NEK6: variants seen among roughly 807,000 people sequenced by gnomAD.
NEK6 encodes the protein serine/threonine-protein kinase Nek6.
A neutral mutation model predicts 43.5 loss-of-function variants in NEK6; 27 were observed. The ratio of observed to expected loss-of-function variants is 0.62; its 90% CI spans 0.46 to 0.86. The LOEUF is 0.86. Ranked by LOEUF, NEK6 falls within the 40% of genes least tolerant of loss-of-function variation. The probability of loss-of-function intolerance (pLI) is 0.00; values close to 1 mark genes in which losing one functional copy is unlikely to be tolerated. For missense variants in NEK6, 318 were observed against 414.4 expected, an observed-to-expected ratio of 0.77 and a Z score of 2.02; for synonymous variants, 167 against 164.1, an observed-to-expected ratio of 1.02 and a Z score of -0.14.
At chr9:124,292,419 G>A in intron 1 of NEK6, 2 of 1,535,060 alleles carry the variant, frequency 1.3e-6, no homozygotes, top group Non-Finnish European at 1.7e-6. Context: ...TCTAGGGTGG[G>A]TTTTGTCTGC....
intron 7 of NEK6, among the ~76,000 whole-genome samples, chr9:124,338,326 C>A (rs1829393637): frequency 6.6e-6 from 1 of 152,192 alleles, no homozygotes; most frequent in African/African-American, 2.4e-5. Context: ...AGAAAAGTAG[C>A]CTCACTTCAT....
intron 1 of NEK6, among the ~76,000 whole-genome samples, chr9:124,287,829 GA>G (rs752785742): frequency 1.3e-5 from 2 of 149,824 alleles, no homozygotes; most frequent in South Asian, 2.1e-4. Context: ...TCTCAAAAAA[GA>G]AAAAAAAACC....
At chr9:124,295,334 A>G (rs1832635277) in intron 1 of NEK6, among the ~76,000 whole-genome samples, 1 of 152,188 alleles carries the variant, frequency 6.6e-6, no homozygotes, top group Non-Finnish European at 1.5e-5. Flanking sequence ...CCAGCTTGAC[A>G]GGCCCCCATG....
At chr9:124,331,600 C>T (rs978235483) in intron 7 of NEK6, among the ~76,000 whole-genome samples, 5 of 152,210 alleles carry the variant, frequency 3.3e-5, no homozygotes, top group South Asian at 2.1e-4. Flanking sequence ...CACCTGACCT[C>T]GCCAGCAGCA....
chr9:124,282,621 A>G (rs1053225658), intron 1 of NEK6, among the ~76,000 whole-genome samples: 3 of 152,152 alleles, frequency 2.0e-5, no homozygotes, highest in South Asian at 2.1e-4. Context: ...GGCTGGGGCC[A>G]CAGGGGGTGG....
In NEK6 at chr9:124,343,307, A is replaced by T. The variant is rs1183210333; in HGVS notation, c.717+3642A>T. 2.1e-4 allele frequency among the ~76,000 whole-genome samples: 4 copies of T among 18,938 alleles called. No homozygotes were observed. The highest frequency in any genetic ancestry group is 1.1e-3 in the South Asian group (1 of 896). 12.4% of individuals were successfully genotyped at this position (18,938 alleles called of 152,430 possible). On this transcript the variant is annotated intron_variant, in intron 8 of 9. Transcript: ENST00000320246. This position sits in a 1 kb window ranked among gnomAD's most constrained non-coding sequence, Gnocchi z 5.1. ...AGCTGGGGAGGTACCGATCGCAGCG[A>T]GGGGTGGTGTGGGGGGACAGATCAC...
At chr9:124,299,061 G>A (rs187808399) in intron 1 of NEK6, among the ~76,000 whole-genome samples, 3 of 152,352 alleles carry the variant, frequency 2.0e-5, no homozygotes, top group Non-Finnish European at 4.4e-5. Context: ...CCAAGCACCC[G>A]CTAGGCTCCT....
chr9:124,333,252 G>A (rs1032733176), intron 7 of NEK6, among the ~76,000 whole-genome samples: 1 of 152,236 alleles, frequency 6.6e-6, no homozygotes, highest in African/African-American at 2.4e-5. Context: ...TATTGTCAGC[G>A]TAGACACCAG....
intron 5 of NEK6, among the ~76,000 whole-genome samples, chr9:124,323,503 G>C (rs1299925595): frequency 6.6e-6 from 1 of 152,198 alleles, no homozygotes; most frequent in Non-Finnish European, 1.5e-5. Context: ...CAGGGACGGA[G>C]GAGGAGCAGG....
chr9:124,258,216 G>A, intron 1 of NEK6, 131 bp downstream of exon 1: 1 of 978,782 alleles, frequency 1.0e-6, no homozygotes, highest in Non-Finnish European at 1.2e-6. Context: ...GCGGGGGAGA[G>A]CGGGAGGCGG....
chr9:124,340,042 T>C (rs1268544904), intron 8 of NEK6, among the ~76,000 whole-genome samples: 1 of 151,680 alleles, frequency 6.6e-6, no homozygotes, highest in African/African-American at 2.4e-5. Context: ...GCACCTGGGG[T>C]CAGGAGAGGA....
intron 1 of NEK6, among the ~76,000 whole-genome samples, chr9:124,297,084 T>C (rs1382726906): frequency 6.6e-6 from 1 of 152,170 alleles, no homozygotes; most frequent in Non-Finnish European, 1.5e-5. Context: ...AGACGTTTGC[T>C]CCAGAGCAGT....
At position 124,346,591 on chromosome 9, in the gene NEK6, C is replaced by T. The variant is rs571522210; in HGVS notation, c.718-1118C>T. Among the ~76,000 whole-genome samples the T allele has an allele frequency of 8.5e-5, 13 of 152,182 alleles. No individual in the cohort carries two copies. The East Asian group carries it at 1.4e-3, about 16-fold the overall frequency. On this transcript the variant is annotated intron_variant, in intron 8 of 9. Coordinates refer to ENST00000320246, the MANE Select transcript of NEK6 (RefSeq NM_014397.6). The stretch of plus-strand genomic sequence containing the variant: ...GCCGGAGGCATTGGGCCTCGGGGGG[C>T]GGTCCGGGAGGCAGGCAGCCACAGT...
intron 7 of NEK6, among the ~76,000 whole-genome samples, chr9:124,337,219 C>G (rs1564657801): frequency 6.6e-6 from 1 of 152,144 alleles, no homozygotes; most frequent in Non-Finnish European, 1.5e-5. Flanking sequence ...AATATGTGCC[C>G]TGCTGCCCAG....
chr9:124,321,445 C>A lies in NEK6; in HGVS notation c.295-14C>A, dbSNP rs772224314. On this transcript the variant is annotated splice_polypyrimidine_tract_variant and intron_variant, in intron 4 of 9. Transcript: ENST00000320246. Reference sequence around the variant, plus strand: ...TCACTTGGTGCCCCCTTCCCTCTTTCCCTCCTCATGCAGCAACTGAACCAC... The same window carrying A: ...TCACTTGGTGCCCCCTTCCCTCTTTACCTCCTCATGCAGCAACTGAACCAC... The A allele has an allele frequency of 1.1e-5, 17 of 1,572,514 alleles. No individual in the cohort carries two copies. Among genetic ancestry groups the A allele is most frequent in the Middle Eastern group, 3.3e-4 (2 of 6,014 alleles).
At chr9:124,258,272 G>C (rs1488809585) in intron 1 of NEK6, 187 bp downstream of exon 1, 1 of 984,702 alleles carries the variant, frequency 1.0e-6, no homozygotes, top group African/African-American at 1.8e-5. Flanking sequence ...CGGCCGGGCG[G>C]GCGGGGGCGG....
chr9:124,318,107 T>C lies in NEK6; in HGVS notation c.295-3352T>C, dbSNP rs144555770. Among the ~76,000 whole-genome samples, 222 of 152,348 alleles carry C rather than the reference T, an allele frequency of 1.5e-3. 2 individuals carry two copies. The highest frequency in any genetic ancestry group is 5.1e-3 in the African/African-American group (214 of 41,584). On this transcript the variant is annotated intron_variant, in intron 4 of 9. Coordinates refer to ENST00000320246, the MANE Select transcript of NEK6 (RefSeq NM_014397.6). ...TCTTTGAGAAATTTCCAGACTTTGT[T>C]CCACGGTGTCTGAACAAATTTACAT...
chr9:124,274,939 T>C (rs1831592692), intron 1 of NEK6, among the ~76,000 whole-genome samples: 1 of 152,212 alleles, frequency 6.6e-6, no homozygotes, highest in Admixed American at 6.5e-5. Flanking sequence ...TAGCAATGTC[T>C]GCTGTGTGCA....
chr9:124,271,381 G>GCCCC (rs1831431173), intron 1 of NEK6, among the ~76,000 whole-genome samples: 1 of 152,248 alleles, frequency 6.6e-6, no homozygotes, highest in Non-Finnish European at 1.5e-5. Context: ...CCAAAATGGG[G>GCCCC]AGGCTCAGCA....
Sources: gnomAD v4.1 joint callset for allele counts (sites outside exome capture counted in the v4.1 genomes callset) on GRCh38, gnomAD v4.1.1 for gene constraint, Gnocchi (gnomAD v3.1) non-coding constraint, MANE v1.5 for transcripts, NCBI Gene and HGNC (gene_info 2026-07-23, HGNC 2026-07-21) for gene names.